Variants in NOS2 observed in about 807,000 individuals in gnomAD.
NOS2 encodes nitric oxide synthase 2.
NOS2 carries 96 observed loss-of-function variants against 136.0 expected under a neutral mutation model. The ratio of observed to expected loss-of-function variants is 0.71; its 90% CI spans 0.60 to 0.84. The LOEUF is 0.84. Ranked by LOEUF, NOS2 falls within the 40% of genes least tolerant of loss-of-function variation. The pLI is 0.00. For missense variants in NOS2, 1,237 were observed against 1,496.9 expected, an observed-to-expected ratio of 0.83 and a Z score of 2.87; for synonymous variants, 539 against 587.5, an observed-to-expected ratio of 0.92 and a Z score of 1.20.
intron 2 of NOS2, among the ~76,000 whole-genome samples, chr17:27,792,943 C>T (rs1466187024): frequency 6.6e-6 from 1 of 151,796 alleles, no homozygotes; most frequent in African/African-American, 2.4e-5. Context: ...TGAACCGAGA[C>T]GGCGCCACTG....
intron 12 of NOS2, among the ~76,000 whole-genome samples, chr17:27,773,949 G>A (rs574229825): frequency 6.6e-6 from 1 of 152,210 alleles, no homozygotes; most frequent in East Asian, 1.9e-4. Context: ...CTGACTCAGG[G>A]GCCAATCCCC....
At chr17:27,794,704 A>G (rs1358941112) in intron 2 of NOS2, among the ~76,000 whole-genome samples, 8 of 139,830 alleles carry the variant, frequency 5.7e-5, no homozygotes. Context: ...ACATGCGTAC[A>G]CACACACGCG....
intron 5 of NOS2, among the ~76,000 whole-genome samples, chr17:27,786,519 T>G (rs1054124916): frequency 3.3e-5 from 5 of 152,242 alleles, no homozygotes; most frequent in Non-Finnish European, 5.9e-5. Context: ...TGCATTTTTG[T>G]TTTAAAAGTT....
chr17:27,769,245 C>A, intron 16 of NOS2, 94 bp from the exon 17 acceptor site: 3 of 1,247,014 alleles, frequency 2.4e-6, no homozygotes, highest in South Asian at 2.9e-5. Flanking sequence ...CAGCCCCAGA[C>A]TCTCCCCCTC....
rs749346265 is a variant in NOS2, at chr17:27,781,142, C to T, written c.758G>A (p.Gly253Asp). Residue 253 changes from glycine (G) to aspartate (D), a missense_variant, in exon 8 of 27, where the codon GGC (glycine) becomes GAC (aspartate). This residue lies in a region of NOS2 where 440 missense variants were observed against 545.4 expected (regional missense o/e 0.81). Transcript: ENST00000313735. ...ATTCCACACCCGGAAGTCGTGCTTG[C>T]CATCACTCCGCTGGGGGAACACGGT... ...AITVFPQRSD[G>D]KHDFRVWNAQ... 1.2e-5 allele frequency: 20 copies of T among 1,611,516 alleles called. No individual in the cohort carries two copies. Among genetic ancestry groups the T allele is most frequent in the Non-Finnish European group, 1.7e-5 (20 of 1,180,006 alleles).
chr17:27,794,454 T>A (rs1909289589), intron 2 of NOS2, among the ~76,000 whole-genome samples: 1 of 152,144 alleles, frequency 6.6e-6, no homozygotes, highest in South Asian at 2.1e-4. Flanking sequence ...TCAAGCAAGA[T>A]AACAGGTAGG....
In NOS2 at chr17:27,798,865, A is replaced by C. The variant is rs1277468734; in HGVS notation, c.-56T>G. On this transcript the variant is annotated 5_prime_UTR_variant, in exon 2 of 27. Transcript: ENST00000313735. ...GTCACTTATCTGGATTTGAGCTCAGATGTTCTTCACTGTGGGGCTGAAGAA... is the reference window on the plus strand; with the variant it reads ...GTCACTTATCTGGATTTGAGCTCAGCTGTTCTTCACTGTGGGGCTGAAGAA... 9.0e-7 allele frequency: 1 copy of C among 1,112,804 alleles called. No individual in the cohort carries two copies. 68.9% of individuals were successfully genotyped at this position (1,112,804 alleles called of 1,614,324 possible).
chr17:27,765,430 G>C (rs962793992), intron 20 of NOS2, 105 bp downstream of exon 20: 33 of 1,068,736 alleles, frequency 3.1e-5, no homozygotes, highest in Non-Finnish European at 4.1e-5. Context: ...CTCTCAGCAG[G>C]AAGGACAGGG....
intron 2 of NOS2, among the ~76,000 whole-genome samples, chr17:27,796,671 G>A (rs1468876415): frequency 6.6e-6 from 1 of 152,070 alleles, no homozygotes; most frequent in African/African-American, 2.4e-5. Context: ...GCCACTGCAG[G>A]CTCTAGAATA....
chr17:27,792,611 G>A (rs1428067422), intron 2 of NOS2, among the ~76,000 whole-genome samples: 4 of 152,042 alleles, frequency 2.6e-5, no homozygotes, highest in Admixed American at 6.6e-5. Context: ...TTCTGACCCC[G>A]CAGACGCTCG....
At chr17:27,785,986 CAA>C (rs1381032758) in intron 5 of NOS2, among the ~76,000 whole-genome samples, 1 of 116,072 alleles carries the variant, frequency 8.6e-6, no homozygotes, top group Non-Finnish European at 1.8e-5. Flanking sequence ...AAAAAAAAGA[CAA>C]AGAAAAGTGG....
chr17:27,794,714 GCACACACACACA>G (rs56767383), intron 2 of NOS2, among the ~76,000 whole-genome samples: 2 of 145,504 alleles, frequency 1.4e-5, no homozygotes, highest in Non-Finnish European at 3.0e-5. Flanking sequence ...ACACACACGC[GCACACACACACA>G]CACACACACA....
At chr17:27,775,862 A>G (rs571764737) in intron 11 of NOS2, among the ~76,000 whole-genome samples, 16 of 152,358 alleles carry the variant, frequency 1.1e-4, no homozygotes, top group African/African-American at 3.8e-4. Context: ...TAAGTGCTTA[A>G]TAAATATTAG....
chr17:27,767,933 A>C, intron 17 of NOS2, 96 bp from the exon 18 acceptor site: 2 of 1,500,686 alleles, frequency 1.3e-6, no homozygotes, highest in Non-Finnish European at 1.8e-6. Flanking sequence ...CATGGGCCAA[A>C]CACTGAGCCG....
In NOS2 at chr17:27,760,073, T is replaced by C. The variant is rs753020051; in HGVS notation, c.3116A>G (p.His1039Arg). ...GCGGGAATAGGCTGTGTGCACCGCA[T>C]GCAGCACCCCCTTCTGGGCCATCTC... ...MLEMAQKGVL[H>R]AVHTAYSRLP... Residue 1039 changes from histidine to arginine, a missense_variant, in exon 25 of 27, where the codon CAT becomes CGT. By Grantham distance (29) the His-to-Arg change is conservative. Coordinates refer to ENST00000313735, the MANE Select transcript of NOS2 (RefSeq NM_000625.4). The C allele has an allele frequency of 6.3e-6, 10 of 1,597,918 alleles. No homozygotes were observed. In the Admixed American group the frequency reaches 1.1e-4, roughly 17 times the overall value.
At chr17:27,789,040 C>T (rs1034618160) in intron 3 of NOS2, 109 bp from the exon 4 acceptor site, 2 of 1,366,766 alleles carry the variant, frequency 1.5e-6, no homozygotes, top group Admixed American at 2.3e-5. Flanking sequence ...GGCAGGGTGT[C>T]CCTCCACGTC....
chr17:27,764,111 G>T lies in NOS2; in HGVS notation c.2462C>A (p.Pro821His), dbSNP rs778972745. Residue 821 changes from proline (P) to histidine (H), a missense_variant, in exon 21 of 27, where the codon CCC (proline) becomes CAC (histidine). Transcript: ENST00000313735. ...GGTGAGGGCCTGGCTGAGTGAGCAG[G>T]GGGGCAGCCTCTTGTCACTGACCCA... Reference protein sequence around the residue: ...SYWVSDKRLPPCSLSQALTYF... With the variant: ...SYWVSDKRLPHCSLSQALTYF... The T allele has an allele frequency of 1.9e-6, 3 of 1,590,368 alleles. No homozygotes were observed. The highest frequency in any genetic ancestry group is 2.3e-5 in the South Asian group (2 of 88,146).
At chr17:27,797,089 C>T (rs1197017007) in intron 2 of NOS2, among the ~76,000 whole-genome samples, 1 of 152,196 alleles carries the variant, frequency 6.6e-6, no homozygotes, top group African/African-American at 2.4e-5. Context: ...CCACTCCTGG[C>T]CAAGCACAGT....
chr17:27,798,327 G>A (rs769668430), intron 2 of NOS2, among the ~76,000 whole-genome samples: 4 of 152,134 alleles, frequency 2.6e-5, no homozygotes, highest in South Asian at 2.1e-4. Context: ...TCTAGCAAGC[G>A]GTGAATTGGA....
Sources: allele counts gnomAD v4.1 joint callset (sites outside exome capture counted in the v4.1 genomes callset), GRCh38; gene constraint gnomAD v4.1.1; regional missense constraint gnomAD v4.1.1; transcripts MANE v1.5; gene names NCBI Gene and HGNC (gene_info 2026-07-23, HGNC 2026-07-21).